Variants in EYS observed in about 807,000 individuals in gnomAD.
The protein encoded by EYS is protein eyes shut homolog.
EYS carries 250 observed loss-of-function variants against 282.1 expected under a neutral mutation model. The ratio of observed to expected loss-of-function variants is 0.89; its 90% CI spans 0.80 to 0.98. The LOEUF is 0.98. Among genes scored for constraint, EYS ranks in the 50% least tolerant of loss-of-function variants. EYS has a pLI of 0.00. For missense variants in EYS, 4,016 were observed against 3,709.0 expected, an observed-to-expected ratio of 1.08 and a Z score of -2.15; for synonymous variants, 1,355 against 1,282.9, an observed-to-expected ratio of 1.06 and a Z score of -1.20.
chr6:64,908,768 G>T (rs1223000070), intron 16 of EYS, among the ~76,000 whole-genome samples: 1 of 152,070 alleles, frequency 6.6e-6, no homozygotes, highest in Non-Finnish European at 1.5e-5. Context: ...AGTGCTTGCT[G>T]ATTGGTTTGT....
rs4379271 is a variant in EYS at position 64,635,790 on chromosome 6, T to A, written c.3444-9545A>T. Reference sequence around the variant, plus strand: ...GATATTGGTCAAAAATTCTCTTTTTTGGTTGTGTCTCTGCCAGGCTTTGGT... The same window carrying A: ...GATATTGGTCAAAAATTCTCTTTTTAGGTTGTGTCTCTGCCAGGCTTTGGT... On this transcript the variant is annotated intron_variant, in intron 22 of 42. Coordinates refer to ENST00000503581, the MANE Select transcript of EYS (RefSeq NM_001142800.2). 5.0e-3 allele frequency among the ~76,000 whole-genome samples: 755 copies of A among 152,302 alleles called. 3 individuals carry two copies. Among genetic ancestry groups the A allele is most frequent in the Admixed American group, 7.8e-3 (119 of 15,294 alleles).
intron 24 of EYS, among the ~76,000 whole-genome samples, chr6:64,611,663 A>G (rs1767120244): frequency 6.6e-6 from 1 of 152,168 alleles, no homozygotes; most frequent in African/African-American, 2.4e-5. Flanking sequence ...CCCGAATAAG[A>G]GCATTATTGA....
intron 22 of EYS, among the ~76,000 whole-genome samples, chr6:64,661,306 C>T (rs1011294291): frequency 6.6e-6 from 1 of 152,088 alleles, no homozygotes; most frequent in Non-Finnish European, 1.5e-5. Context: ...CTAGGCAATA[C>T]CATTCAGGAC....
chr6:64,747,056 C>A (rs1252982772), intron 22 of EYS, among the ~76,000 whole-genome samples: 2 of 152,152 alleles, frequency 1.3e-5, no homozygotes, highest in African/African-American at 4.8e-5. Flanking sequence ...TGCAGGCCAC[C>A]CATCTGTAAC....
At chr6:64,388,181 A>T (rs528335741) in intron 29 of EYS, among the ~76,000 whole-genome samples, 5 of 152,158 alleles carry the variant, frequency 3.3e-5, no homozygotes, top group Non-Finnish European at 7.4e-5. Flanking sequence ...TAGCTTAATA[A>T]TGAAGACAAT....
chr6:63,955,389 T>G (rs1765772615), intron 35 of EYS, among the ~76,000 whole-genome samples: 1 of 152,218 alleles, frequency 6.6e-6, no homozygotes, highest in Non-Finnish European at 1.5e-5. Flanking sequence ...TAAAGTGGAT[T>G]AAAGATCTTC....
intron 31 of EYS, among the ~76,000 whole-genome samples, chr6:64,162,054 T>A (rs1427957726): frequency 6.6e-6 from 1 of 152,180 alleles, no homozygotes; most frequent in Non-Finnish European, 1.5e-5. Flanking sequence ...TATACCCTCT[T>A]GCTCTACCTA....
intron 31 of EYS, among the ~76,000 whole-genome samples, chr6:64,090,819 T>A (rs1772331615): frequency 6.6e-6 from 1 of 152,168 alleles, no homozygotes; most frequent in Admixed American, 6.6e-5. Context: ...ATTCAAATGG[T>A]TCCTCTTCAC....
At chr6:64,893,835 C>T (rs200976785) in intron 18 of EYS, among the ~76,000 whole-genome samples, 2 of 151,314 alleles carry the variant, frequency 1.3e-5, no homozygotes, top group African/African-American at 2.4e-5. Context: ...TATGCACACA[C>T]ATATATGTAC....
intron 12 of EYS, among the ~76,000 whole-genome samples, chr6:65,223,835 G>A (rs1383366049): frequency 6.6e-6 from 1 of 152,162 alleles, no homozygotes; most frequent in African/African-American, 2.4e-5. Context: ...TGTGGTACCA[G>A]TTGGTCCACC....
intron 11 of EYS, among the ~76,000 whole-genome samples, chr6:65,318,376 C>T (rs893858917): frequency 1.3e-5 from 2 of 151,066 alleles, no homozygotes; most frequent in African/African-American, 4.9e-5. Flanking sequence ...TTAGAAATGA[C>T]TTACCATCAC....
intron 41 of EYS, among the ~76,000 whole-genome samples, chr6:63,729,582 G>C (rs566217987): frequency 1.3e-5 from 2 of 151,640 alleles, no homozygotes; most frequent in South Asian, 4.2e-4. Context: ...TTGTCGAAAA[G>C]ATTATCCTTT....
At chr6:64,576,536 C>A (rs1381216010) in intron 26 of EYS, among the ~76,000 whole-genome samples, 1 of 151,894 alleles carries the variant, frequency 6.6e-6, no homozygotes, top group African/African-American at 2.4e-5. Context: ...TCACTTGTTC[C>A]CACTTAGATA....
At chr6:65,462,660 G>T (rs2150410626) in intron 5 of EYS, among the ~76,000 whole-genome samples, 1 of 151,920 alleles carries the variant, frequency 6.6e-6, no homozygotes, top group African/African-American at 2.4e-5. Flanking sequence ...ACTGTGTTTT[G>T]ATGTCACACC....
chr6:65,522,076 T>C (rs1767394844), intron 2 of EYS, among the ~76,000 whole-genome samples: 2 of 152,160 alleles, frequency 1.3e-5, no homozygotes, highest in South Asian at 4.1e-4. Context: ...CTTGGTGACG[T>C]GTTATACTTT....
chr6:64,454,364 C>T (rs1363104588), intron 26 of EYS, among the ~76,000 whole-genome samples: 3 of 152,132 alleles, frequency 2.0e-5, no homozygotes, highest in East Asian at 1.9e-4. Context: ...TTTATTTTTG[C>T]CCTGTGCCCT....
intron 29 of EYS, among the ~76,000 whole-genome samples, chr6:64,335,358 T>G (rs1449859713): frequency 1.3e-5 from 2 of 150,540 alleles, no homozygotes; most frequent in African/African-American, 2.4e-5. Flanking sequence ...TCCTCAAAGT[T>G]TATTACAGGC....
chr6:64,549,795 T>C (rs1765009446), intron 26 of EYS, among the ~76,000 whole-genome samples: 2 of 151,788 alleles, frequency 1.3e-5, no homozygotes, highest in African/African-American at 4.8e-5. Context: ...TGCAGGTTTG[T>C]TACATATGTA....
intron 12 of EYS, among the ~76,000 whole-genome samples, chr6:65,240,585 C>T (rs1279284648): frequency 6.6e-6 from 1 of 152,146 alleles, no homozygotes; most frequent in Non-Finnish European, 1.5e-5. Context: ...TGGCCTCCAG[C>T]TACATCCATG....
Sources: allele counts gnomAD v4.1 joint callset (sites outside exome capture counted in the v4.1 genomes callset), GRCh38; gene constraint gnomAD v4.1.1; transcripts MANE v1.5; gene names NCBI Gene and HGNC (gene_info 2026-07-23, HGNC 2026-07-21).